The following TSPAN9 variants were observed in gnomAD, a reference collection of about 807,000 sequenced individuals.
The protein encoded by TSPAN9 is tetraspanin-9.
Under a neutral mutation model 31.0 loss-of-function variants are expected in TSPAN9, and 16 were observed. That is an observed-to-expected ratio of 0.52 (90% CI 0.35 to 0.78). The LOEUF is 0.78. Ranked by LOEUF, TSPAN9 falls within the 30% of genes least tolerant of loss-of-function variation. The probability of loss-of-function intolerance (pLI) is 0.01; values close to 1 mark genes in which losing one functional copy is unlikely to be tolerated. For missense variants in TSPAN9, 272 were observed against 312.5 expected (o/e 0.87, Z 0.98); for synonymous variants, 145 against 121.6 (o/e 1.19, Z -1.27).
chr12:3,174,817 C>T (rs567036413), intron 2 of TSPAN9, among the ~76,000 whole-genome samples: 11,076 of 150,344 alleles, frequency 0.074, 473 homozygotes, highest in Middle Eastern at 0.17. Flanking sequence ...CTCCTGACCT[C>T]GTGATCCTCC....
intron 2 of TSPAN9, among the ~76,000 whole-genome samples, chr12:3,089,485 C>CG (rs1565571279): frequency 2.6e-5 from 4 of 151,488 alleles, no homozygotes; most frequent in South Asian, 2.1e-4. Context: ...TTAGTAGAGA[C>CG]GGGGTTTTAC....
At chr12:3,109,270 G>GTGTGTGTGTC (rs2098316770) in intron 2 of TSPAN9, among the ~76,000 whole-genome samples, 1 of 119,758 alleles carries the variant, frequency 8.4e-6, no homozygotes, top group South Asian at 2.5e-4. Flanking sequence ...CATATAGTCT[G>GTGTGTGTGTC]TGTGTGTGTG....
chr12:3,207,073 C>T (rs1394252432), intron 3 of TSPAN9, among the ~76,000 whole-genome samples: 2 of 152,124 alleles, frequency 1.3e-5, no homozygotes, highest in Non-Finnish European at 2.9e-5. Context: ...TGGTGGCACC[C>T]TTCAGGAATG....
intron 3 of TSPAN9, among the ~76,000 whole-genome samples, chr12:3,233,062 G>A (rs1374469705): frequency 6.6e-6 from 1 of 152,194 alleles, no homozygotes; most frequent in Non-Finnish European, 1.5e-5. Flanking sequence ...CAGGTGTGGG[G>A]AGGAAAGCCA....
At chr12:3,195,690 G>C (rs1269722419) in intron 2 of TSPAN9, among the ~76,000 whole-genome samples, 1 of 152,216 alleles carries the variant, frequency 6.6e-6, no homozygotes, top group African/African-American at 2.4e-5. Flanking sequence ...GCCAGGCCCA[G>C]CTTCCTAGGG....
chr12:3,144,421 G>A (rs1045477411), intron 2 of TSPAN9, among the ~76,000 whole-genome samples: 2 of 152,114 alleles, frequency 1.3e-5, no homozygotes, highest in Non-Finnish European at 2.9e-5. Context: ...ATCCCTATAA[G>A]AGGGACACAG....
intron 2 of TSPAN9, among the ~76,000 whole-genome samples, chr12:3,191,114 G>A (rs756122371): frequency 3.9e-5 from 6 of 152,130 alleles, no homozygotes; most frequent in Non-Finnish European, 5.9e-5. Flanking sequence ...GGCGGAGGGA[G>A]CATCCAGTGC....
In TSPAN9 at chr12:3,143,795, T is replaced by C. The variant is rs183592771; in HGVS notation, c.-17-57382T>C. On this transcript the variant is annotated intron_variant, in intron 2 of 8. Coordinates refer to ENST00000011898, the MANE Select transcript of TSPAN9 (RefSeq NM_006675.5). The surrounding 1 kb of genome is among the most constrained non-coding windows in gnomAD (Gnocchi z 4.2). ...GTCTTTTCTGGAGCTCTTCCTTACT[T>C]TCTGGCACAAGATGCTCCGGGTCGT... 6.6e-6 allele frequency among the ~76,000 whole-genome samples: 1 copy of C among 152,312 alleles called. No individual in the cohort carries two copies. Among genetic ancestry groups the C allele is most frequent in the African/African-American group, 2.4e-5 (1 of 41,568 alleles).
intron 2 of TSPAN9, among the ~76,000 whole-genome samples, chr12:3,094,864 TTTTTTG>T (rs1456671284): frequency 8.6e-4 from 94 of 109,464 alleles, no homozygotes; most frequent in African/African-American, 2.5e-3. Context: ...TTTTTTTTTT[TTTTTTG>T]TTTTTAAATT....
chr12:3,124,351 G>A (rs186364521), intron 2 of TSPAN9, among the ~76,000 whole-genome samples: 132 of 152,102 alleles, frequency 8.7e-4, no homozygotes, highest in Non-Finnish European at 7.5e-4. Context: ...TTTTTTCATT[G>A]CAGCACTATT....
At chr12:3,166,426 T>G (rs2098348456) in intron 2 of TSPAN9, among the ~76,000 whole-genome samples, 1 of 152,256 alleles carries the variant, frequency 6.6e-6, no homozygotes, top group Admixed American at 6.5e-5. Context: ...GGAAGGTTCC[T>G]TAGAGATTAT....
intron 2 of TSPAN9, among the ~76,000 whole-genome samples, chr12:3,149,406 T>G (rs2153968443): frequency 6.6e-6 from 1 of 152,318 alleles, no homozygotes; most frequent in South Asian, 2.1e-4. Flanking sequence ...TTCTCTCTTT[T>G]TTACCTGAAA....
At chr12:3,078,081 A>G (rs375741895) in intron 1 of TSPAN9, among the ~76,000 whole-genome samples, 2 of 152,362 alleles carry the variant, frequency 1.3e-5, no homozygotes, top group East Asian at 1.9e-4. Flanking sequence ...GTACTTGTAC[A>G]TCTTGGAACT....
chr12:3,132,934 A>G (rs2098330458), intron 2 of TSPAN9, among the ~76,000 whole-genome samples: 1 of 152,104 alleles, frequency 6.6e-6, no homozygotes, highest in African/African-American at 2.4e-5. Flanking sequence ...GCCATTAGGA[A>G]GCGGTCAGGT....
chr12:3,214,795 G>A (rs975990572), intron 3 of TSPAN9, among the ~76,000 whole-genome samples: 1 of 151,898 alleles, frequency 6.6e-6, no homozygotes, highest in Non-Finnish European at 1.5e-5. Flanking sequence ...GAACTGTCGC[G>A]GCTCCTTCCT....
chr12:3,249,257 T>C (rs676194), intron 3 of TSPAN9, among the ~76,000 whole-genome samples: 128,683 of 152,078 alleles, frequency 0.85, 56,756 homozygotes, highest in Non-Finnish European at 0.98. Context: ...ACCCCGCGGG[T>C]GGTCAGACCT....
intron 3 of TSPAN9, among the ~76,000 whole-genome samples, chr12:3,222,210 C>T (rs2098384946): frequency 1.3e-5 from 2 of 152,038 alleles, no homozygotes. Context: ...AAGGGGGGGA[C>T]GTGGCCACAG....
intron 2 of TSPAN9, among the ~76,000 whole-genome samples, chr12:3,101,980 C>T (rs1477405017): frequency 1.3e-5 from 2 of 152,170 alleles, no homozygotes; most frequent in Non-Finnish European, 2.9e-5. Flanking sequence ...TCTTTCTTTT[C>T]CTCGGACTGG....
chr12:3,249,220 T>C (rs1862200253), intron 3 of TSPAN9, among the ~76,000 whole-genome samples: 1 of 152,196 alleles, frequency 6.6e-6, no homozygotes, highest in Non-Finnish European at 1.5e-5. Flanking sequence ...ACCCTCCAGC[T>C]GCGAGTCTTT....
Sources: allele counts gnomAD v4.1 joint callset (sites outside exome capture counted in the v4.1 genomes callset), GRCh38; gene constraint gnomAD v4.1.1; non-coding constraint Gnocchi (gnomAD v3.1); transcripts MANE v1.5; gene names NCBI Gene and HGNC (gene_info 2026-07-23, HGNC 2026-07-21).